Variants in TSPEAR observed in about 807,000 individuals in gnomAD.
TSPEAR encodes the protein thrombospondin-type laminin G domain and EAR repeat-containing protein.
TSPEAR carries 69 observed loss-of-function variants against 71.6 expected under a neutral mutation model. The observed-to-expected ratio is 0.96, with a 90% CI of 0.79 to 1.18. The LOEUF (loss-of-function observed/expected upper bound fraction) is 1.18, where lower values mean the gene tolerates loss of function less well. Ranked by LOEUF, TSPEAR falls within the 50% of genes most tolerant of loss-of-function variation. The probability of loss-of-function intolerance (pLI) is 0.00; values close to 1 mark genes in which losing one functional copy is unlikely to be tolerated. For missense variants in TSPEAR, 971 were observed against 894.9 expected (o/e 1.09, Z -1.09); for synonymous variants, 402 against 387.2 (o/e 1.04, Z -0.45).
chr21:44,558,193 G>A (rs587703557), intron 2 of TSPEAR: 145 of 1,553,662 alleles, frequency 9.3e-5, no homozygotes, highest in South Asian at 4.0e-4. Context: ...CAGCAGGAGG[G>A]GATGGGCACA....
At position 44,684,457 on chromosome 21, in the gene TSPEAR, C is replaced by A. The variant is rs571277403; in HGVS notation, c.82+26976G>T. On this transcript the variant is annotated intron_variant, in intron 1 of 11. Transcript: ENST00000323084. ...GATGAGGCAGGAGGATAGCTTGAGC[C>A]CAGGAGTTCGAAGCTGCAGTGAGCT... 8.9e-4 allele frequency among the ~76,000 whole-genome samples: 136 copies of A among 152,298 alleles called. 1 individual carries two copies. Among genetic ancestry groups the A allele is most frequent in the African/African-American group, 3.1e-3 (130 of 41,542 alleles).
chr21:44,599,713 G>A (rs1555928161), intron 1 of TSPEAR, among the ~76,000 whole-genome samples: 1 of 152,244 alleles, frequency 6.6e-6, no homozygotes, highest in African/African-American at 2.4e-5. Context: ...AAGATGTGGT[G>A]GCCAATTGGA....
intron 1 of TSPEAR, among the ~76,000 whole-genome samples, chr21:44,596,459 T>TG (rs1478111460): frequency 2.0e-5 from 3 of 152,282 alleles, no homozygotes; most frequent in African/African-American, 7.2e-5. Flanking sequence ...TCCCGCTGTC[T>TG]GGACAATGTC....
intron 1 of TSPEAR, among the ~76,000 whole-genome samples, chr21:44,704,857 G>A (rs1467833872): frequency 6.6e-6 from 1 of 152,150 alleles, no homozygotes; most frequent in Non-Finnish European, 1.5e-5. Context: ...CACGGACCCT[G>A]GATGGAGCCC....
intron 1 of TSPEAR, among the ~76,000 whole-genome samples, chr21:44,584,112 G>A (rs1387961925): frequency 6.6e-6 from 1 of 152,180 alleles, no homozygotes. Context: ...CCCCGCCCCT[G>A]TGAACCCCCA....
chr21:44,508,884 A>G (rs1327474026), intron 10 of TSPEAR: 1 of 1,453,598 alleles, frequency 6.9e-7, no homozygotes, highest in Non-Finnish European at 9.3e-7. Flanking sequence ...CCTCCGCACG[A>G]CGGGCATGAA....
At chr21:44,620,740 G>A (rs1982384626) in intron 1 of TSPEAR, among the ~76,000 whole-genome samples, 1 of 152,136 alleles carries the variant, frequency 6.6e-6, no homozygotes, top group Non-Finnish European at 1.5e-5. Flanking sequence ...GTTCCTTAAG[G>A]TGTAAAGTTA....
chr21:44,654,118 A>T, intron 1 of TSPEAR: 1 of 639,888 alleles, frequency 1.6e-6, no homozygotes, highest in Non-Finnish European at 2.8e-6. Flanking sequence ...GCATGGCCTC[A>T]CCGGCTGGGA....
rs2052715832 is a variant in TSPEAR, at chr21:44,520,609, G to C, written c.1566+1274C>G. The C allele has an allele frequency of 6.6e-6, 1 of 152,230 alleles. No individual in the cohort carries two copies. The highest frequency in any genetic ancestry group is 6.5e-5 in the Admixed American group (1 of 15,284). 9.4% of individuals were successfully genotyped at this position (152,230 alleles called of 1,614,324 possible). A position where few individuals can be genotyped will look rare whatever the true frequency, so the allele number is the denominator to read the frequency against. On this transcript the variant is annotated intron_variant, in intron 9 of 11. Transcript: ENST00000323084. This position sits in a 1 kb window ranked among gnomAD's most constrained non-coding sequence, Gnocchi z 4.2. The stretch of plus-strand genomic sequence containing the variant: ...GTCCGGCCCCTGCGGGCTTCTCAAG[G>C]TGGTCACACTCCCGGTTTCCTAAGC...
chr21:44,624,507 C>T (rs1453618774), intron 1 of TSPEAR, among the ~76,000 whole-genome samples: 1 of 152,196 alleles, frequency 6.6e-6, no homozygotes, highest in Non-Finnish European at 1.5e-5. Context: ...GTTGATGCTG[C>T]TGTCTCCAGA....
intron 1 of TSPEAR, chr21:44,637,329 C>T (rs1983643661): frequency 6.9e-7 from 1 of 1,449,268 alleles, no homozygotes; most frequent in Non-Finnish European, 9.4e-7. Flanking sequence ...CATATAAAAG[C>T]CCCAGCAGCT....
chr21:44,527,422 A>G lies in TSPEAR; in HGVS notation c.1019T>C (p.Leu340Pro), dbSNP rs201766708. The stretch of plus-strand genomic sequence containing the variant: ...TTTGCGATTGGCTGTGGCCACAAAG[A>G]GCCCCACCTGAGGGATGCGGAACAC... ...IEVFRIPQVG[L>P]FVATANRKAT... The change falls in exon 7 of 12, where the codon CTC (leucine) becomes CCC (proline). Residue 340 changes from leucine to proline, a missense_variant. Transcript: ENST00000323084. 49 of 1,614,182 alleles carry G rather than the reference A, an allele frequency of 3.0e-5. No homozygotes were observed. The highest frequency in any genetic ancestry group is 1.0e-4 in the Admixed American group (6 of 60,022).
intron 1 of TSPEAR, chr21:44,601,151 G>A (rs782553323): frequency 5.0e-6 from 8 of 1,602,930 alleles, no homozygotes; most frequent in African/African-American, 4.2e-5. Context: ...CAGCAGTCTA[G>A]CTGTGTGAGC....
At chr21:44,643,887 AGACCAGAG>A (rs1984156357) in intron 1 of TSPEAR, among the ~76,000 whole-genome samples, 1 of 152,274 alleles carries the variant, frequency 6.6e-6, no homozygotes, top group South Asian at 2.1e-4. Context: ...TTTGGAAACA[AGACCAGAG>A]GGCTGCTGTC....
intron 11 of TSPEAR, among the ~76,000 whole-genome samples, chr21:44,502,921 A>G (rs1314631686): frequency 3.4e-5 from 2 of 58,326 alleles, no homozygotes; most frequent in African/African-American, 5.3e-5. Flanking sequence ...GCTGGGAGGA[A>G]GCTGGCCTCA....
chr21:44,703,771 G>T (rs908628524), intron 1 of TSPEAR, among the ~76,000 whole-genome samples: 3 of 152,128 alleles, frequency 2.0e-5, no homozygotes, highest in African/African-American at 7.2e-5. Context: ...CACTCTTTGG[G>T]GGTTTCCTTT....
Position 44,571,697 on chromosome 21 carries a change from G to C in TSPEAR, c.83-3692C>G, listed in dbSNP as rs115805688. On this transcript the variant is annotated intron_variant, in intron 1 of 11. Coordinates refer to ENST00000323084, the MANE Select transcript of TSPEAR (RefSeq NM_144991.3). Reference sequence around the variant, plus strand: ...GTTGAAAGGGCACCAGGGCCAAAACGAAAGGACTTGAGGGCCGAAGTTGGA... The same window carrying C: ...GTTGAAAGGGCACCAGGGCCAAAACCAAAGGACTTGAGGGCCGAAGTTGGA... Among the ~76,000 whole-genome samples, 1,402 of 152,336 alleles carry C rather than the reference G, an allele frequency of 9.2e-3. 19 individuals carry two copies. Among genetic ancestry groups the C allele is most frequent in the African/African-American group, 0.032 (1,325 of 41,572 alleles).
At chr21:44,657,012 C>T (rs1330652931) in intron 1 of TSPEAR, among the ~76,000 whole-genome samples, 1 of 152,112 alleles carries the variant, frequency 6.6e-6, no homozygotes, top group Admixed American at 6.5e-5. Context: ...AGTTCACCTG[C>T]ACCCATGGCC....
intron 1 of TSPEAR, chr21:44,654,388 C>T: frequency 6.2e-7 from 1 of 1,614,218 alleles, no homozygotes; most frequent in Non-Finnish European, 8.5e-7. Context: ...AACAGGCTTG[C>T]AGCTCACAGG....
Sources: allele counts gnomAD v4.1 joint callset (sites outside exome capture counted in the v4.1 genomes callset), GRCh38; gene constraint gnomAD v4.1.1; non-coding constraint Gnocchi (gnomAD v3.1); transcripts MANE v1.5; gene names NCBI Gene and HGNC (gene_info 2026-07-23, HGNC 2026-07-21).